The following DNAH11 variants were observed in gnomAD, a reference collection of about 807,000 sequenced individuals.
The protein encoded by DNAH11 is axonemal beta dynein heavy chain 11.
A neutral mutation model predicts 526.0 loss-of-function variants in DNAH11; 442 were observed. That is an observed-to-expected ratio of 0.84 (90% CI 0.78 to 0.91). The LOEUF is 0.91. Ranked by LOEUF, DNAH11 falls within the 40% of genes least tolerant of loss-of-function variation. DNAH11 has a pLI of 0.00. For missense variants in DNAH11, 6,989 were observed against 5,448.7 expected (o/e 1.28, Z -8.90); for synonymous variants, 2,461 against 1,935.9 (o/e 1.27, Z -7.12).
intron 34 of DNAH11, among the ~76,000 whole-genome samples, chr7:21,690,218 G>A (rs1028291115): frequency 2.0e-5 from 3 of 152,070 alleles, no homozygotes; most frequent in African/African-American, 7.2e-5. Flanking sequence ...TGCCTAAAAG[G>A]GATATGCCTG....
intron 28 of DNAH11, among the ~76,000 whole-genome samples, chr7:21,645,519 A>G (rs1333072271): frequency 2.0e-5 from 3 of 152,180 alleles, no homozygotes; most frequent in African/African-American, 4.8e-5. Flanking sequence ...AGAGCTTTCA[A>G]GAGGCTCGTG....
chr7:21,544,027 CCAA>C (rs1476106323), intron 1 of DNAH11, among the ~76,000 whole-genome samples: 2 of 152,058 alleles, frequency 1.3e-5, no homozygotes, highest in East Asian at 3.9e-4. Context: ...TGATTACGTG[CCAA>C]CAACACTTCA....
intron 8 of DNAH11, among the ~76,000 whole-genome samples, chr7:21,577,705 C>CA (rs1237898098): frequency 6.6e-6 from 1 of 152,064 alleles, no homozygotes; most frequent in African/African-American, 2.4e-5. Flanking sequence ...TGTAATGAGG[C>CA]TGGAGCAGCA....
chr7:21,685,337 C>T (rs1783328483), intron 32 of DNAH11, among the ~76,000 whole-genome samples: 2 of 152,214 alleles, frequency 1.3e-5, no homozygotes, highest in South Asian at 2.1e-4. Flanking sequence ...AGGGAAGAGG[C>T]ATTTTAAAGT....
At chr7:21,720,951 T>C (rs924624533) in intron 44 of DNAH11, 95 bp downstream of exon 44, 46 of 1,454,692 alleles carry the variant, frequency 3.2e-5, no homozygotes, top group Middle Eastern at 1.8e-4. Context: ...CTTTTTGTTA[T>C]GTTATAGATC....
intron 55 of DNAH11, among the ~76,000 whole-genome samples, chr7:21,767,138 A>T (rs2127974716): frequency 6.6e-6 from 1 of 152,290 alleles, no homozygotes; most frequent in Middle Eastern, 3.4e-3. Flanking sequence ...CTAGGGCATC[A>T]TTTTATCTTG....
chr7:21,890,154 C>G (rs1303602498), intron 76 of DNAH11, among the ~76,000 whole-genome samples: 1 of 152,178 alleles, frequency 6.6e-6, no homozygotes, highest in Non-Finnish European at 1.5e-5. Flanking sequence ...CAATATTTTA[C>G]TGATGAAAAG....
chr7:21,758,839 G>A (rs1038448367), intron 54 of DNAH11, among the ~76,000 whole-genome samples: 1 of 152,150 alleles, frequency 6.6e-6, no homozygotes, highest in African/African-American at 2.4e-5. Context: ...TCAGCTGTGG[G>A]GTTTGCTGGT....
At chr7:21,739,324 A>G (rs924430290) in intron 47 of DNAH11, among the ~76,000 whole-genome samples, 5 of 152,332 alleles carry the variant, frequency 3.3e-5, no homozygotes, top group Admixed American at 1.3e-4. Flanking sequence ...ATGAGAATCA[A>G]TAAGCAGTAA....
chr7:21,895,303 C>T (rs1273945178), intron 79 of DNAH11, among the ~76,000 whole-genome samples: 1 of 151,992 alleles, frequency 6.6e-6, no homozygotes, highest in Admixed American at 6.5e-5. Context: ...GCAATAGAAT[C>T]CCCTGAGTTG....
chr7:21,749,889 C>T, intron 53 of DNAH11, 88 bp downstream of exon 53: 1 of 1,572,774 alleles, frequency 6.4e-7, no homozygotes, highest in Non-Finnish European at 8.6e-7. Flanking sequence ...GAGAATTCGT[C>T]TTTGAGATGT....
intron 74 of DNAH11, among the ~76,000 whole-genome samples, chr7:21,874,439 G>C (rs772097516): frequency 5.9e-5 from 9 of 151,724 alleles, no homozygotes; most frequent in Non-Finnish European, 4.4e-5. Flanking sequence ...AGGTTGAAGC[G>C]ATTCTCCTGC....
At chr7:21,613,742 C>T (rs569606857) in intron 20 of DNAH11, among the ~76,000 whole-genome samples, 89 of 152,120 alleles carry the variant, frequency 5.9e-4, no homozygotes, top group Non-Finnish European at 1.1e-3. Context: ...TTAATTAGCT[C>T]TATAGAGCCA....
intron 45 of DNAH11, among the ~76,000 whole-genome samples, chr7:21,726,860 C>CAAAAAAA (rs1166791175): frequency 2.2e-4 from 3 of 13,814 alleles, no homozygotes; most frequent in African/African-American, 1.2e-3. Flanking sequence ...GACTCTGTCT[C>CAAAAAAA]AAAAAAAAAA....
rs765485509 is a variant in DNAH11, at chr7:21,739,620, G to GTATA, written c.7862_7863insATAT (p.Ala2622TyrfsTer43). 6.2e-7 allele frequency: 1 copy of GTATA among 1,612,970 alleles called. No homozygotes were observed. The highest frequency in any genetic ancestry group is 1.1e-5 in the South Asian group (1 of 90,684). On this transcript the variant is annotated frameshift_variant, in exon 48 of 82. Coordinates refer to ENST00000409508, the MANE Select transcript of DNAH11 (RefSeq NM_001277115.2). LOFTEE classifies it high-confidence loss of function. ...TAAAGAAATCCATAACTGCCAGTATGTCGCCTGCATGAATCCGATGGTGGG... is the reference window on the plus strand; with the variant it reads ...TAAAGAAATCCATAACTGCCAGTATGTATATCGCCTGCATGAATCCGATGGTGGG...
intron 50 of DNAH11, 46 bp downstream of exon 50, chr7:21,744,645 T>A (rs374706614): frequency 7.5e-6 from 12 of 1,599,684 alleles, no homozygotes; most frequent in Non-Finnish European, 1.0e-5. Flanking sequence ...CAACACCAAC[T>A]GGGTATTGGG....
At position 21,543,608 on chromosome 7, in the gene DNAH11, C is replaced by T. The variant is rs1317067676; in HGVS notation, c.351+12C>T. 1.7e-5 allele frequency: 27 copies of T among 1,575,186 alleles called. No individual in the cohort carries two copies. The highest frequency in any genetic ancestry group is 2.2e-5 in the Non-Finnish European group (26 of 1,159,894). ...CGGCTTCCCAGGAGGTAAGAGGCGA[C>T]GGGCAAGGGGACCTGCCCATCCAAC... On this transcript the variant is annotated intron_variant, in intron 1 of 81. Transcript: ENST00000409508.
chr7:21,619,523 G>A (rs1785939978), intron 24 of DNAH11, among the ~76,000 whole-genome samples: 1 of 152,060 alleles, frequency 6.6e-6, no homozygotes, highest in Non-Finnish European at 1.5e-5. Context: ...AATCTTCTGA[G>A]GTAAGTAATA....
At chr7:21,899,521 C>G (rs986321039) in intron 80 of DNAH11, 73 bp downstream of exon 80, 2 of 1,214,332 alleles carry the variant, frequency 1.6e-6, no homozygotes, top group African/African-American at 3.0e-5. Context: ...CTTTGTTTAC[C>G]TATGATGGCG....
Sources: allele counts gnomAD v4.1 joint callset (sites outside exome capture counted in the v4.1 genomes callset), GRCh38; gene constraint gnomAD v4.1.1; transcripts MANE v1.5; gene names NCBI Gene and HGNC (gene_info 2026-07-23, HGNC 2026-07-21).